SSH2: variants seen among roughly 807,000 people sequenced by gnomAD.
SSH2 encodes slingshot protein phosphatase 2.
A neutral mutation model predicts 135.2 loss-of-function variants in SSH2; 37 were observed. That is an observed-to-expected ratio of 0.27 (90% CI 0.21 to 0.36). SSH2 has a LOEUF of 0.36. Among genes scored for constraint, SSH2 ranks in the 10% least tolerant of loss-of-function variants. The pLI is 1.00. For synonymous variants in SSH2, 628 were observed against 646.2 expected (o/e 0.97, Z 0.43); for missense variants, 1,408 against 1,765.3 (o/e 0.80, Z 3.63).
chr17:29,752,754 C>T (rs2040985363), intron 3 of SSH2, among the ~76,000 whole-genome samples: 1 of 151,082 alleles, frequency 6.6e-6, no homozygotes, highest in South Asian at 2.1e-4. Flanking sequence ...AGTATTTTTG[C>T]CACATACTCA....
rs556950808 is a variant in SSH2 at position 29,844,763 on chromosome 17, TC to T, written c.144+4085del. Reference sequence around the variant, plus strand: ...AGCTGCTTCTATCTATTATCTGGTTTCCTGGAGACTGAGTGGGATCAGAAAA... The same window carrying T: ...AGCTGCTTCTATCTATTATCTGGTTTCTGGAGACTGAGTGGGATCAGAAAA... On this transcript the variant is annotated intron_variant, in intron 2 of 15. Coordinates refer to ENST00000540801, the MANE Select transcript of SSH2 (RefSeq NM_001282129.2). Among the ~76,000 whole-genome samples the T allele has an allele frequency of 5.9e-5, 9 of 152,286 alleles. No individual in the cohort carries two copies. The South Asian group carries it at 1.9e-3, about 32-fold the overall frequency.
intron 3 of SSH2, among the ~76,000 whole-genome samples, chr17:29,754,189 T>C (rs2041041847): frequency 6.6e-6 from 1 of 152,172 alleles, no homozygotes; most frequent in Non-Finnish European, 1.5e-5. Context: ...TAGGAACTTG[T>C]TAGAAATGCA....
intron 3 of SSH2, among the ~76,000 whole-genome samples, chr17:29,717,083 C>T (rs3102555): frequency 0.56 from 84,991 of 151,936 alleles, 24,166 homozygotes; most frequent in East Asian, 0.69. Context: ...CCCTATCCAC[C>T]GCCCTTAAAA....
chr17:29,727,038 A>G (rs756556428), intron 3 of SSH2, among the ~76,000 whole-genome samples: 121 of 152,322 alleles, frequency 7.9e-4, no homozygotes, highest in Non-Finnish European at 1.5e-3. Context: ...ACACATGTCT[A>G]TATCATTTCC....
At chr17:29,762,390 T>C (rs537332935) in intron 3 of SSH2, among the ~76,000 whole-genome samples, 121 of 152,290 alleles carry the variant, frequency 7.9e-4, no homozygotes, top group African/African-American at 2.8e-3. Context: ...CTTAATAAAA[T>C]TGGAATCTCT....
At chr17:29,888,933 A>G (rs2066293487) in intron 1 of SSH2, among the ~76,000 whole-genome samples, 1 of 41,250 alleles carries the variant, frequency 2.4e-5, no homozygotes, top group Non-Finnish European at 5.4e-5. Context: ...CACTATCTCA[A>G]AAAAAAAAAA....
rs921310648 is a variant in SSH2, at chr17:29,913,641, CT to C, written c.63+16296del. On this transcript the variant is annotated intron_variant, in intron 1 of 15. Transcript: ENST00000540801. The stretch of plus-strand genomic sequence containing the variant: ...AGCTTCCTATATTTCTTTCTTTTTT[CT>C]TTTTTTTTTGAGACGGAGTTTCATT... Among the ~76,000 whole-genome samples, 1,126 of 145,326 alleles carry C rather than the reference CT, an allele frequency of 7.7e-3. 14 individuals carry two copies. The highest frequency in any genetic ancestry group is 0.024 in the African/African-American group (951 of 39,914).
intron 11 of SSH2, among the ~76,000 whole-genome samples, chr17:29,662,645 T>C (rs986256707): frequency 6.6e-6 from 1 of 152,178 alleles, no homozygotes; most frequent in Non-Finnish European, 1.5e-5. Context: ...TTTTTTTAAC[T>C]TTTAAGTTCA....
At chr17:29,741,611 C>CTTT (rs6146027) in intron 3 of SSH2, among the ~76,000 whole-genome samples, 1 of 140,764 alleles carries the variant, frequency 7.1e-6, no homozygotes, top group Admixed American at 7.1e-5. Flanking sequence ...AATCCCCCTC[C>CTTT]TTTTTTTTTT....
At position 29,913,349 on chromosome 17, in the gene SSH2, TATA is replaced by T. The variant is rs1387432396; in HGVS notation, c.63+16586_63+16588del. ...AAAAAAAAAAAAAAAAAAAAAAAAA[TATA>T]TATATATATATATATATATATATAT... On this transcript the variant is annotated intron_variant, in intron 1 of 15. Coordinates refer to ENST00000540801, the MANE Select transcript of SSH2 (RefSeq NM_001282129.2). Among the ~76,000 whole-genome samples the T allele has an allele frequency of 2.9e-3, 48 of 16,612 alleles. 3 individuals are homozygous for T. Among genetic ancestry groups the T allele is most frequent in the Admixed American group, 9.5e-3 (7 of 736 alleles). 10.9% of individuals were successfully genotyped at this position (16,612 alleles called of 152,430 possible).
chr17:29,754,120 G>A (rs1306565132), intron 3 of SSH2, among the ~76,000 whole-genome samples: 3 of 152,162 alleles, frequency 2.0e-5, no homozygotes, highest in Non-Finnish European at 4.4e-5. Context: ...TGCCCAATCT[G>A]CCTCAGAGGA....
chr17:29,690,834 AT>A (rs2038437016), intron 5 of SSH2, among the ~76,000 whole-genome samples: 1 of 152,152 alleles, frequency 6.6e-6, no homozygotes, highest in Admixed American at 6.5e-5. Flanking sequence ...ATGATAAACT[AT>A]GAAGAAAGTA....
chr17:29,667,028 T>A, intron 10 of SSH2, 33 bp from the exon 11 acceptor site: 1 of 1,613,912 alleles, frequency 6.2e-7, no homozygotes, highest in Non-Finnish European at 8.5e-7. Context: ...GACCCATCTC[T>A]TAAAGTCCCT....
chr17:29,851,173 A>C (rs1389847739), intron 1 of SSH2, among the ~76,000 whole-genome samples: 1 of 152,210 alleles, frequency 6.6e-6, no homozygotes, highest in Non-Finnish European at 1.5e-5. Context: ...CTTAATAATA[A>C]ATATTTGAAA....
chr17:29,710,268 T>C (rs1235913771), intron 3 of SSH2, among the ~76,000 whole-genome samples: 1 of 152,210 alleles, frequency 6.6e-6, no homozygotes, highest in East Asian at 1.9e-4. Context: ...GTAGATGTTA[T>C]ACTAAAATGA....
intron 11 of SSH2, among the ~76,000 whole-genome samples, chr17:29,658,618 C>T (rs1326854878): frequency 6.6e-6 from 1 of 152,014 alleles, no homozygotes; most frequent in African/African-American, 2.4e-5. Context: ...TCTGTAATCC[C>T]AACACTCTGG....
In SSH2 at chr17:29,913,351, TATATATATATA is replaced by T. The variant is rs1567650028; in HGVS notation, c.63+16576_63+16586del. On this transcript the variant is annotated intron_variant, in intron 1 of 15. Coordinates refer to ENST00000540801, the MANE Select transcript of SSH2 (RefSeq NM_001282129.2). Reference sequence around the variant, plus strand: ...AAAAAAAAAAAAAAAAAAAAAAATATATATATATATATATATATATATATATATATATCCAA... The same window carrying T: ...AAAAAAAAAAAAAAAAAAAAAAATATTATATATATATATATATATATCCAA... 9.7e-5 allele frequency among the ~76,000 whole-genome samples: 2 copies of T among 20,658 alleles called. 1 individual carries two copies. Among genetic ancestry groups the T allele is most frequent in the East Asian group, 3.0e-3 (2 of 664 alleles). The allele number at this position is 20,658 out of a possible 152,430, so 13.6% of individuals were successfully genotyped here. A position where few individuals can be genotyped will look rare whatever the true frequency, so the allele number is the denominator to read the frequency against.
Position 29,631,410 on chromosome 17 carries a change from C to A in SSH2, c.3784G>T (p.Ala1262Ser), listed in dbSNP as rs749077183. 5.9e-5 allele frequency: 96 copies of A among 1,614,038 alleles called. No homozygotes were observed. The highest frequency in any genetic ancestry group is 7.4e-5 in the Non-Finnish European group (87 of 1,180,036). ...ACCACTCGAGACTCGATTTCTTTAGCACGCTCCTTCACCACACCGGGGCTG... is the reference window on the plus strand; with the variant it reads ...ACCACTCGAGACTCGATTTCTTTAGAACGCTCCTTCACCACACCGGGGCTG... ...SHSPGVVKERAKEIESRVVFQ... is the reference protein window; with the variant it reads ...SHSPGVVKERSKEIESRVVFQ... The change falls in exon 16 of 16, where the codon GCT becomes TCT. Residue 1262 changes from alanine (A) to serine (S), a missense_variant. Around this residue, in one of 3 missense-constraint regions of SSH2, gnomAD observed 1,080 missense variants for 1,144.5 expected, o/e 0.94. Transcript: ENST00000540801.
chr17:29,863,839 G>T (rs772320606), intron 1 of SSH2: 2 of 152,190 alleles, frequency 1.3e-5, no homozygotes, highest in African/African-American at 2.4e-5. Flanking sequence ...ATGCACAGGG[G>T]TGTAATTGTT....
Sources: gnomAD v4.1 joint callset for allele counts (sites outside exome capture counted in the v4.1 genomes callset) on GRCh38, gnomAD v4.1.1 for gene constraint, gnomAD v4.1.1 regional missense constraint, MANE v1.5 for transcripts, NCBI Gene and HGNC (gene_info 2026-07-23, HGNC 2026-07-21) for gene names.